ADIPOR2: variants seen among roughly 807,000 people sequenced by gnomAD.
The protein encoded by ADIPOR2 is adiponectin receptor 2.
Under a neutral mutation model 40.9 loss-of-function variants are expected in ADIPOR2, and 18 were observed. The observed-to-expected ratio is 0.44, with a 90% confidence interval of 0.30 to 0.65. ADIPOR2 has a LOEUF of 0.65. ADIPOR2 is among the 30% of genes least tolerant of loss of function. The pLI is 0.09. For synonymous variants in ADIPOR2, 165 were observed against 166.4 expected (o/e 0.99, Z 0.06); for missense variants, 283 against 479.2 (o/e 0.59, Z 3.82).
chr12:1,701,219 C>G (rs2094649680), intron 1 of ADIPOR2, among the ~76,000 whole-genome samples: 1 of 150,366 alleles, frequency 6.7e-6, no homozygotes, highest in Non-Finnish European at 1.5e-5. Context: ...AGCCCATCTC[C>G]TTTGCTTGAG....
At chr12:1,719,945 G>C (rs143316137) in intron 1 of ADIPOR2, among the ~76,000 whole-genome samples, 1 of 152,138 alleles carries the variant, frequency 6.6e-6, no homozygotes, top group Non-Finnish European at 1.5e-5. Context: ...CCAAAGTGTT[G>C]GAATTACAGG....
intron 1 of ADIPOR2, among the ~76,000 whole-genome samples, chr12:1,700,436 CTTTA>C (rs1164494382): frequency 6.6e-6 from 1 of 152,092 alleles, no homozygotes; most frequent in Non-Finnish European, 1.5e-5. Context: ...AGAAGATTGA[CTTTA>C]TTTTCTTGAA....
intron 3 of ADIPOR2, 69 bp from the exon 4 acceptor site, chr12:1,777,785 T>C (rs1862628661): frequency 6.9e-7 from 1 of 1,439,006 alleles, no homozygotes. Flanking sequence ...AAGACACAGT[T>C]GTTAGGGGTC....
At chr12:1,713,657 T>C (rs1165423434) in intron 1 of ADIPOR2, among the ~76,000 whole-genome samples, 2 of 152,076 alleles carry the variant, frequency 1.3e-5, no homozygotes, top group African/African-American at 4.8e-5. Flanking sequence ...CTTTGGCTAA[T>C]ATGTTCCTCC....
chr12:1,767,546 A>G (rs1862409236), intron 2 of ADIPOR2, among the ~76,000 whole-genome samples: 3 of 152,058 alleles, frequency 2.0e-5, no homozygotes, highest in African/African-American at 7.2e-5. Flanking sequence ...TGTTAGTAAT[A>G]TCAGCTTGCT....
intron 1 of ADIPOR2, among the ~76,000 whole-genome samples, chr12:1,724,209 C>A (rs2094703405): frequency 6.6e-6 from 1 of 152,106 alleles, no homozygotes; most frequent in African/African-American, 2.4e-5. Context: ...TCTTGAACTC[C>A]TGACCTCGTG....
chr12:1,783,971 G>T lies in ADIPOR2; in HGVS notation c.930G>T (p.Gln310His). 1 of 1,614,000 alleles carries T rather than the reference G, an allele frequency of 6.2e-7. No individual in the cohort carries two copies. The highest frequency in any genetic ancestry group is 8.5e-7 in the Non-Finnish European group (1 of 1,179,938). The change falls in exon 7 of 8, where the codon CAG becomes CAT. Residue 310 changes from glutamine to histidine, a missense_variant. This residue lies in a region of ADIPOR2 where 106 missense variants were observed against 149.7 expected (regional missense o/e 0.71). Transcript: ENST00000357103. ...TCCTTAAGGCCGCCACCATAGGGCAGATAGGCTGGTTGATGCTGATGGCCA... is the reference window on the plus strand; with the variant it reads ...TCCTTAAGGCCGCCACCATAGGGCATATAGGCTGGTTGATGCTGATGGCCA... ...EGFLKAATIGQIGWLMLMASL... is the reference protein window; with the variant it reads ...EGFLKAATIGHIGWLMLMASL...
intron 1 of ADIPOR2, among the ~76,000 whole-genome samples, chr12:1,708,905 A>T (rs2094669628): frequency 6.6e-6 from 1 of 151,906 alleles, no homozygotes; most frequent in Admixed American, 6.6e-5. Context: ...TTTTTAGTAG[A>T]GATGGGGTTT....
chr12:1,720,374 C>T (rs1371745693), intron 1 of ADIPOR2, among the ~76,000 whole-genome samples: 30 of 152,072 alleles, frequency 2.0e-4, no homozygotes, highest in Admixed American at 2.0e-3. Context: ...TTGGGATGAT[C>T]CAAGCACATT....
intron 1 of ADIPOR2, among the ~76,000 whole-genome samples, chr12:1,699,631 A>T (rs995378633): frequency 6.6e-6 from 1 of 152,246 alleles, no homozygotes; most frequent in African/African-American, 2.4e-5. Context: ...AGCCTGGGCA[A>T]CAAGAGCGAA....
At chr12:1,764,558 A>ACAC (rs1862333582) in intron 2 of ADIPOR2, among the ~76,000 whole-genome samples, 15 of 118,998 alleles carry the variant, frequency 1.3e-4, no homozygotes, top group African/African-American at 5.5e-4. Context: ...TAAAGTATTA[A>ACAC]ACACACACAC....
At position 1,779,854 on chromosome 12, in the gene ADIPOR2, A is replaced by G. The variant is rs377595241; in HGVS notation, c.464-597A>G. Among the ~76,000 whole-genome samples the G allele has an allele frequency of 9.8e-5, 15 of 152,314 alleles. No homozygotes were observed. In the East Asian group the frequency reaches 2.9e-3, roughly 29 times the overall value. The stretch of plus-strand genomic sequence containing the variant: ...GTGTTAGGTGGCCCCTCCCTAAGCA[A>G]TAGGAACATGGCATCTTTCTGTGTA... On this transcript the variant is annotated intron_variant, in intron 4 of 7. Coordinates refer to ENST00000357103, the MANE Select transcript of ADIPOR2 (RefSeq NM_024551.3).
chr12:1,772,056 T>G (rs1050013839), intron 2 of ADIPOR2, among the ~76,000 whole-genome samples: 1 of 152,250 alleles, frequency 6.6e-6, no homozygotes, highest in East Asian at 1.9e-4. Context: ...TCTACTGCCC[T>G]TCTTCTCACA....
chr12:1,736,454 A>C (rs1255522735), intron 1 of ADIPOR2, among the ~76,000 whole-genome samples: 1 of 151,848 alleles, frequency 6.6e-6, no homozygotes, highest in Non-Finnish European at 1.5e-5. Flanking sequence ...CCCCTGTATC[A>C]CAATCCCCTG....
chr12:1,772,745 C>T, intron 2 of ADIPOR2, 97 bp from the exon 3 acceptor site: 3 of 1,434,982 alleles, frequency 2.1e-6, no homozygotes, highest in Non-Finnish European at 1.9e-6. Flanking sequence ...TTGTTTTGAC[C>T]TTAAGAATTT....
chr12:1,781,057 G>A lies in ADIPOR2; in HGVS notation c.819G>A (p.Gln273=). 3.1e-6 allele frequency: 5 copies of A among 1,605,710 alleles called. No individual in the cohort carries two copies. Among genetic ancestry groups the A allele is most frequent in the Non-Finnish European group, 4.2e-6 (5 of 1,176,954 alleles). The part of the protein sequence containing the change: ...VSQWDMFATP[Q]YRGVRAGVFL... ...AGTGGGACATGTTTGCCACCCCTCA[G>A]TATCGGGGAGTAAGAGCAGGTAAGA... Residue 273 remains glutamine (Q), a synonymous_variant, in exon 6 of 8, where the codon CAG becomes CAA. Coordinates refer to ENST00000357103, the MANE Select transcript of ADIPOR2 (RefSeq NM_024551.3).
intron 1 of ADIPOR2, among the ~76,000 whole-genome samples, chr12:1,745,472 A>G (rs192770158): frequency 1.4e-4 from 21 of 152,160 alleles, no homozygotes; most frequent in Admixed American, 2.6e-4. Context: ...TTATATGTCT[A>G]TGGTATTGGC....
At chr12:1,776,439 A>G (rs774682701) in intron 3 of ADIPOR2, among the ~76,000 whole-genome samples, 1 of 152,208 alleles carries the variant, frequency 6.6e-6, no homozygotes, top group Non-Finnish European at 1.5e-5. Flanking sequence ...CTTGCTTTAT[A>G]GGGTAATAGA....
intron 1 of ADIPOR2, among the ~76,000 whole-genome samples, chr12:1,741,488 CACTGTA>C (rs1378468812): frequency 1.3e-5 from 2 of 152,074 alleles, no homozygotes; most frequent in Non-Finnish European, 2.9e-5. Context: ...TAATACTGTC[CACTGTA>C]GCAAGTGAAC....
Sources: allele counts gnomAD v4.1 joint callset (sites outside exome capture counted in the v4.1 genomes callset), GRCh38; gene constraint gnomAD v4.1.1; regional missense constraint gnomAD v4.1.1; transcripts MANE v1.5; gene names NCBI Gene and HGNC (gene_info 2026-07-23, HGNC 2026-07-21).